GATB: variants seen among roughly 807,000 people sequenced by gnomAD.
The protein encoded by GATB is glutamyl-tRNA amidotransferase subunit B.
GATB carries 39 observed loss-of-function variants against 62.3 expected under a neutral mutation model. That is an observed-to-expected ratio of 0.63 (90% CI 0.48 to 0.82). The LOEUF (loss-of-function observed/expected upper bound fraction) is 0.82. GATB is among the 40% of genes least tolerant of loss of function. The probability of loss-of-function intolerance (pLI) is 0.00; values close to 1 mark genes in which losing one functional copy is unlikely to be tolerated. For synonymous variants in GATB, 276 were observed against 258.9 expected (o/e 1.07, Z -0.63); for missense variants, 670 against 684.0 (o/e 0.98, Z 0.23).
intron 1 of GATB, among the ~76,000 whole-genome samples, chr4:151,760,336 C>T (rs1408517122): frequency 1.3e-5 from 2 of 152,148 alleles, no homozygotes; most frequent in African/African-American, 4.8e-5. Context: ...CAACATAAAA[C>T]GCCTGCACAG....
Position 151,689,327 on chromosome 4 carries a change from T to C in GATB, c.1198-564A>G, listed in dbSNP as rs923983738. ...AATAGACAGGAATGGTTCTGAAATG[T>C]TTTCAAAGTGAGGGAGAACATGGGC... is the stretch of plus-strand genomic sequence containing the variant. On this transcript the variant is annotated intron_variant, in intron 9 of 12. Transcript: ENST00000263985. 1.1e-4 allele frequency among the ~76,000 whole-genome samples: 17 copies of C among 152,148 alleles called. No individual in the cohort carries two copies. The East Asian group carries it at 3.3e-3, about 29-fold the overall frequency.
At chr4:151,747,433 G>A (rs540564980) in intron 2 of GATB, among the ~76,000 whole-genome samples, 3 of 152,350 alleles carry the variant, frequency 2.0e-5, no homozygotes, top group African/African-American at 7.2e-5. Flanking sequence ...GATGTGTGCA[G>A]CTTGACGCTG....
At chr4:151,709,105 G>C (rs1268813721) in intron 5 of GATB, among the ~76,000 whole-genome samples, 10 of 152,204 alleles carry the variant, frequency 6.6e-5, no homozygotes, top group Non-Finnish European at 1.3e-4. Flanking sequence ...TGAGTGTCTT[G>C]ATGGGCTGAA....
chr4:151,681,079 T>C (rs1738128588), intron 10 of GATB, among the ~76,000 whole-genome samples: 1 of 152,222 alleles, frequency 6.6e-6, no homozygotes, highest in Admixed American at 6.5e-5. Context: ...ATTTAAGTCT[T>C]GGTTCCCATC....
intron 5 of GATB, among the ~76,000 whole-genome samples, chr4:151,712,218 A>G (rs1738832179): frequency 6.6e-6 from 1 of 152,246 alleles, no homozygotes; most frequent in African/African-American, 2.4e-5. Context: ...AGAGTTCACC[A>G]GCCTGGATTC....
At chr4:151,698,527 A>G (rs1331432289) in intron 9 of GATB, among the ~76,000 whole-genome samples, 1 of 152,184 alleles carries the variant, frequency 6.6e-6, no homozygotes, top group African/African-American at 2.4e-5. Context: ...AAATTGAAAG[A>G]TGGTTCATTA....
At chr4:151,731,913 GTGGGGGTC>G in intron 2 of GATB, among the ~76,000 whole-genome samples, 1 of 150,920 alleles carries the variant, frequency 6.6e-6, no homozygotes, top group African/African-American at 2.4e-5. Flanking sequence ...CGGGAGGGAG[GTGGGGGTC>G]AGCCCCCGCC....
intron 10 of GATB, 138 bp downstream of exon 10, chr4:151,688,492 G>A (rs1311325515): frequency 2.6e-6 from 2 of 764,814 alleles, no homozygotes; most frequent in African/African-American, 1.7e-5. Context: ...AGAATGTGGA[G>A]TCCACAGGGG....
intron 9 of GATB, among the ~76,000 whole-genome samples, chr4:151,695,820 C>T (rs1196071884): frequency 3.9e-5 from 6 of 152,046 alleles, no homozygotes; most frequent in South Asian, 4.1e-4. Context: ...TGCAGTGGCA[C>T]GACCACAGCT....
In GATB at chr4:151,671,143, T is replaced by C. The variant is rs201583481; in HGVS notation, c.*31A>G. ...CCCAGTCAGGCTGCACTGTTTGTTG[T>C]TGTCCCTTGGGCAAGGGGATCCCAA... On this transcript the variant is annotated 3_prime_UTR_variant, in exon 13 of 13. Coordinates refer to ENST00000263985, the MANE Select transcript of GATB (RefSeq NM_004564.3). The C allele has an allele frequency of 6.2e-7, 1 of 1,613,738 alleles. No homozygotes were observed. The highest frequency in any genetic ancestry group is 8.5e-7 in the Non-Finnish European group (1 of 1,179,704).
chr4:151,685,626 G>A lies in GATB; in HGVS notation c.1331+3004C>T, dbSNP rs556247010. On this transcript the variant is annotated intron_variant, in intron 10 of 12. Transcript: ENST00000263985. ...CCCTCACCAAATCCTGTTGAGCCTT[G>A]AAGACTCTGGTAGAGCTGTATCCCA... Among the ~76,000 whole-genome samples, 7 of 152,284 alleles carry A rather than the reference G, an allele frequency of 4.6e-5. No homozygotes were observed. In the South Asian group the frequency reaches 1.5e-3, roughly 32 times the overall value.
chr4:151,694,842 C>T (rs959790894), intron 9 of GATB, among the ~76,000 whole-genome samples: 4 of 152,190 alleles, frequency 2.6e-5, no homozygotes, highest in African/African-American at 9.7e-5. Flanking sequence ...GCTTACTAGC[C>T]ACTTAAAGGA....
chr4:151,710,835 T>A (rs1324097126), intron 5 of GATB, among the ~76,000 whole-genome samples: 1 of 152,154 alleles, frequency 6.6e-6, no homozygotes, highest in East Asian at 1.9e-4. Flanking sequence ...AAATACCACC[T>A]CATGCTGAGG....
At chr4:151,688,834 A>T in intron 9 of GATB, 71 bp from the exon 10 acceptor site, 1 of 1,462,880 alleles carries the variant, frequency 6.8e-7, no homozygotes, top group Non-Finnish European at 9.1e-7. Flanking sequence ...CTGAAGGCAA[A>T]TCTGAAACTG....
At chr4:151,715,798 T>C (rs1166730757) in intron 5 of GATB, among the ~76,000 whole-genome samples, 1 of 152,178 alleles carries the variant, frequency 6.6e-6, no homozygotes, top group Non-Finnish European at 1.5e-5. Context: ...ATATTTATAT[T>C]TGGTTGGGGG....
At chr4:151,701,641 A>C in intron 8 of GATB, 123 bp from the exon 9 acceptor site, 2 of 701,674 alleles carry the variant, frequency 2.9e-6, no homozygotes, top group Non-Finnish European at 4.2e-6. Context: ...AATATTTTCA[A>C]ATGTCCTATT....
At chr4:151,711,284 T>C (rs1034210764) in intron 5 of GATB, among the ~76,000 whole-genome samples, 6 of 152,254 alleles carry the variant, frequency 3.9e-5, no homozygotes, top group Middle Eastern at 3.2e-3. Flanking sequence ...TTCTAAAACA[T>C]TCATCAGACT....
At chr4:151,680,612 C>T (rs576149117) in intron 10 of GATB, among the ~76,000 whole-genome samples, 10 of 152,258 alleles carry the variant, frequency 6.6e-5, no homozygotes, top group African/African-American at 2.4e-4. Flanking sequence ...GGGGTGAGTG[C>T]CTAAATTATG....
chr4:151,731,014 G>A (rs1739233055), intron 2 of GATB, among the ~76,000 whole-genome samples: 1 of 152,302 alleles, frequency 6.6e-6, no homozygotes, highest in African/African-American at 2.4e-5. Flanking sequence ...CCAATGCAAG[G>A]AAATCCAAAA....
Sources: allele counts gnomAD v4.1 joint callset (sites outside exome capture counted in the v4.1 genomes callset), GRCh38; gene constraint gnomAD v4.1.1; transcripts MANE v1.5; gene names NCBI Gene and HGNC (gene_info 2026-07-23, HGNC 2026-07-21).